The following RIMS2 variants were observed in gnomAD, a reference collection of about 807,000 sequenced individuals.
RIMS2 encodes the protein regulating synaptic membrane exocytosis protein 2.
A neutral mutation model predicts 174.4 loss-of-function variants in RIMS2; 59 were observed. That is an observed-to-expected ratio of 0.34 (90% CI 0.27 to 0.42). The LOEUF (loss-of-function observed/expected upper bound fraction) is 0.42. Among genes scored for constraint, RIMS2 ranks in the 10% least tolerant of loss-of-function variants. The pLI is 1.00. For missense variants in RIMS2, 1,620 were observed against 1,666.3 expected, an observed-to-expected ratio of 0.97 and a Z score of 0.48; for synonymous variants, 606 against 572.5, an observed-to-expected ratio of 1.06 and a Z score of -0.84.
In RIMS2 at chr8:103,767,192, C is replaced by CT. The variant is rs35159105; in HGVS notation, c.698+669dup. ...TTTGATGGGAAGATTCTTTTTCTTTCTTTTTTTTTTTTTTGAGATGGAGTC... is the reference window on the plus strand; with the variant it reads ...TTTGATGGGAAGATTCTTTTTCTTTCTTTTTTTTTTTTTTTGAGATGGAGTC... On this transcript the variant is annotated intron_variant, in intron 3 of 23. Transcript: ENST00000504942. 1.7e-3 allele frequency among the ~76,000 whole-genome samples: 238 copies of CT among 138,560 alleles called. 1 individual carries two copies. Among genetic ancestry groups the CT allele is most frequent in the African/African-American group, 4.7e-3 (175 of 36,970 alleles). 90.9% of individuals were successfully genotyped at this position (138,560 alleles called of 152,430 possible). A position where few individuals can be genotyped will look rare whatever the true frequency, so the allele number is the denominator to read the frequency against.
At chr8:103,975,209 A>G (rs1056553871) in intron 15 of RIMS2, 141 bp from the exon 18 acceptor site, 4 of 482,542 alleles carry the variant, frequency 8.3e-6, no homozygotes, top group Non-Finnish European at 1.5e-5. Flanking sequence ...TCTTAATATC[A>G]TGGTTTATTC....
At chr8:103,825,460 T>TTTTTG (rs2098783800) in intron 3 of RIMS2, among the ~76,000 whole-genome samples, 7 of 150,484 alleles carry the variant, frequency 4.7e-5, no homozygotes, top group African/African-American at 1.5e-4. Context: ...TTTTTTTTTT[T>TTTTTG]TTTTGTTAGA....
At chr8:103,690,503 A>C (rs893087566) in intron 1 of RIMS2, among the ~76,000 whole-genome samples, 1 of 152,202 alleles carries the variant, frequency 6.6e-6, no homozygotes, top group South Asian at 2.1e-4. Flanking sequence ...TTAATAAATA[A>C]CATCTTAGAA....
chr8:103,741,271 A>G (rs1286474095), intron 2 of RIMS2, among the ~76,000 whole-genome samples: 1 of 152,058 alleles, frequency 6.6e-6, no homozygotes, highest in Admixed American at 6.6e-5. Context: ...TTCAACATCA[A>G]TTCTATTTCT....
intron 1 of RIMS2, among the ~76,000 whole-genome samples, chr8:103,634,435 T>C (rs74633219): frequency 0.016 from 2,364 of 152,276 alleles, 49 homozygotes; most frequent in African/African-American, 0.05. Flanking sequence ...TATTTTATGT[T>C]TAATTATGTG....
chr8:103,936,109 A>G (rs114021559), intron 12 of RIMS2, among the ~76,000 whole-genome samples: 1,626 of 152,314 alleles, frequency 0.011, 35 homozygotes, highest in African/African-American at 0.037. Context: ...AACTTTATAG[A>G]TAAGAAGTTG....
intron 1 of RIMS2, among the ~76,000 whole-genome samples, chr8:103,677,183 A>C (rs1007817104): frequency 1.3e-5 from 2 of 152,118 alleles, no homozygotes; most frequent in African/African-American, 2.4e-5. Context: ...CCATTTTCAC[A>C]TGGAATCTTG....
intron 17 of RIMS2, among the ~76,000 whole-genome samples, chr8:104,007,579 T>A (rs2095627825): frequency 6.6e-6 from 1 of 152,326 alleles, no homozygotes; most frequent in South Asian, 2.1e-4. Flanking sequence ...GCTGTTCATC[T>A]TTTTTACTAC....
chr8:103,723,884 C>A (rs1025628620), intron 2 of RIMS2, among the ~76,000 whole-genome samples: 1 of 152,118 alleles, frequency 6.6e-6, no homozygotes, highest in African/African-American at 2.4e-5. Flanking sequence ...GGCCTACAGC[C>A]TGAGTTCACT....
chr8:103,915,739 A>G, intron 7 of RIMS2, 145 bp downstream of exon 10: 1 of 438,814 alleles, frequency 2.3e-6, no homozygotes, highest in Non-Finnish European at 4.1e-6. Flanking sequence ...TGGAAAGGCA[A>G]AACTATTATT....
chr8:104,046,472 T>C (rs1425249342), intron 19 of RIMS2, among the ~76,000 whole-genome samples: 1 of 152,132 alleles, frequency 6.6e-6, no homozygotes, highest in Non-Finnish European at 1.5e-5. Context: ...TGACATATTT[T>C]GAATGCTCTG....
intron 17 of RIMS2, among the ~76,000 whole-genome samples, chr8:103,997,271 A>G (rs2095163591): frequency 6.6e-6 from 1 of 151,848 alleles, no homozygotes; most frequent in African/African-American, 2.4e-5. Context: ...GGAAGGGAAT[A>G]ATAAATGAAG....
intron 19 of RIMS2, among the ~76,000 whole-genome samples, chr8:104,080,006 G>A (rs533003319): frequency 1.3e-5 from 2 of 152,020 alleles, no homozygotes. Flanking sequence ...GAAGATATAG[G>A]TAGATTATTG....
chr8:104,129,135 A>G (rs932617510), intron 19 of RIMS2, among the ~76,000 whole-genome samples: 1 of 152,072 alleles, frequency 6.6e-6, no homozygotes, highest in South Asian at 2.1e-4. Flanking sequence ...CTGTAATCCC[A>G]GCATTTTGAG....
intron 3 of RIMS2, among the ~76,000 whole-genome samples, chr8:103,822,970 T>A (rs2098762253): frequency 6.6e-6 from 1 of 151,992 alleles, no homozygotes; most frequent in South Asian, 2.1e-4. Flanking sequence ...TTAGCATTGT[T>A]CACTGCATTG....
rs144269024 is a variant in RIMS2, at chr8:104,134,612, A to G, written c.3335-110304A>G. ...GTAAGCTGAACCAATTGAGATGTCT[A>G]TGGTGTTGGCTATTGTTTGTGCTAT... On this transcript the variant is annotated intron_variant, in intron 19 of 23. Transcript: ENST00000504942. Among the ~76,000 whole-genome samples, 500 of 152,320 alleles carry G rather than the reference A, an allele frequency of 3.3e-3. 1 individual carries two copies. Among genetic ancestry groups the G allele is most frequent in the Non-Finnish European group, 5.4e-3 (370 of 68,018 alleles).
chr8:104,200,786 C>T (rs2099050848), intron 19 of RIMS2, among the ~76,000 whole-genome samples: 1 of 152,058 alleles, frequency 6.6e-6, no homozygotes, highest in African/African-American at 2.4e-5. Context: ...TCATGGCACA[C>T]ACCTGTAGTC....
intron 2 of RIMS2, among the ~76,000 whole-genome samples, chr8:103,702,852 G>GTTTTTTTTTTTTT (rs59947900): frequency 8.5e-6 from 1 of 117,264 alleles, no homozygotes; most frequent in Non-Finnish European, 1.8e-5. Context: ...TCCTCCAGCT[G>GTTTTTTTTTTTTT]TTTTTTTTTT....
intron 19 of RIMS2, among the ~76,000 whole-genome samples, chr8:104,092,663 G>T (rs2097683618): frequency 1.3e-5 from 2 of 151,792 alleles, no homozygotes; most frequent in African/African-American, 4.8e-5. Flanking sequence ...CAACTAGTGA[G>T]AGTTTTTCTT....
Sources: gnomAD v4.1 joint callset for allele counts (sites outside exome capture counted in the v4.1 genomes callset) on GRCh38, gnomAD v4.1.1 for gene constraint, MANE v1.5 for transcripts, NCBI Gene and HGNC (gene_info 2026-07-23, HGNC 2026-07-21) for gene names.